The following NAALADL2 variants were observed in gnomAD, a reference collection of about 807,000 sequenced individuals.
NAALADL2 encodes the protein inactive N-acetylated-alpha-linked acidic dipeptidase-like protein 2.
Under a neutral mutation model 87.2 loss-of-function variants are expected in NAALADL2, and 76 were observed. The observed-to-expected ratio is 0.87, with a 90% confidence interval of 0.72 to 1.05. The LOEUF is 1.05. Among genes scored for constraint, NAALADL2 ranks in the 50% least tolerant of loss-of-function variants. NAALADL2 has a pLI of 0.00. For missense variants in NAALADL2, 1,089 were observed against 945.8 expected, an observed-to-expected ratio of 1.15 and a Z score of -1.99; for synonymous variants, 354 against 331.0, an observed-to-expected ratio of 1.07 and a Z score of -0.75.
intron 10 of NAALADL2, among the ~76,000 whole-genome samples, chr3:175,613,013 A>C (rs1011521266): frequency 6.6e-6 from 1 of 152,170 alleles, no homozygotes; most frequent in Non-Finnish European, 1.5e-5. Flanking sequence ...ATGTTAGCAG[A>C]GTTGGTAAAC....
At chr3:174,782,870 C>A (rs494601) in intron 3 of NAALADL2, among the ~76,000 whole-genome samples, 45,735 of 151,936 alleles carry the variant, frequency 0.3, 6,876 homozygotes, top group Middle Eastern at 0.34. Flanking sequence ...TACTGGGTCA[C>A]TCCAATGACA....
intron 11 of NAALADL2, among the ~76,000 whole-genome samples, chr3:175,681,126 C>CA (rs1254859680): frequency 6.6e-6 from 1 of 151,980 alleles, no homozygotes; most frequent in Non-Finnish European, 1.5e-5. Context: ...CAAAACAAAA[C>CA]AAACAAAAAA....
chr3:174,759,459 C>T (rs956297468), intron 3 of NAALADL2, among the ~76,000 whole-genome samples: 6 of 152,104 alleles, frequency 3.9e-5, no homozygotes, highest in East Asian at 1.9e-4. Flanking sequence ...GCAGATCTAA[C>T]GATGCTTGTG....
intron 11 of NAALADL2, among the ~76,000 whole-genome samples, chr3:175,663,578 T>C (rs1732567146): frequency 6.6e-6 from 1 of 151,930 alleles, no homozygotes; most frequent in Non-Finnish European, 1.5e-5. Context: ...CTTTATTGTT[T>C]ATTTATTTCT....
At chr3:174,581,317 A>G (rs531845487) in intron 2 of NAALADL2, among the ~76,000 whole-genome samples, 2 of 152,080 alleles carry the variant, frequency 1.3e-5, no homozygotes, top group Admixed American at 6.5e-5. Context: ...AAGTATATGC[A>G]AAACATGAAA....
intron 9 of NAALADL2, among the ~76,000 whole-genome samples, chr3:175,480,532 C>G (rs1423124959): frequency 6.6e-6 from 1 of 151,834 alleles, no homozygotes; most frequent in African/African-American, 2.4e-5. Flanking sequence ...GTATTCTATT[C>G]CACAGCACCC....
Position 175,672,091 on chromosome 3 carries a change from C to T in NAALADL2, c.1896+44705C>T, listed in dbSNP as rs189649974. On this transcript the variant is annotated intron_variant, in intron 11 of 13. Coordinates refer to ENST00000454872, the MANE Select transcript of NAALADL2 (RefSeq NM_207015.3). ...CTGTTATTTCAGGACTTAAACATAA[C>T]TTTAATTACTTAAGCCTGGTGGAGC... 2.6e-5 allele frequency among the ~76,000 whole-genome samples: 4 copies of T among 152,226 alleles called. No homozygotes were observed. In the East Asian group the frequency reaches 7.7e-4, roughly 29 times the overall value.
In NAALADL2 at chr3:175,627,401, C is replaced by A; in HGVS notation, c.1896+15C>A. 1 of 1,466,936 alleles carries A rather than the reference C, an allele frequency of 6.8e-7. No individual in the cohort carries two copies. Among genetic ancestry groups the A allele is most frequent in the Non-Finnish European group, 9.3e-7 (1 of 1,075,696 alleles). 90.9% of individuals were successfully genotyped at this position (1,466,936 alleles called of 1,614,324 possible). A position where few individuals can be genotyped will look rare whatever the true frequency, so the allele number is the denominator to read the frequency against. Reference sequence around the variant, plus strand: ...CCATTACTAAGGTAGGGGAGAAATGCATTCAAAAATAGGTGAGAAATATTT... The same window carrying A: ...CCATTACTAAGGTAGGGGAGAAATGAATTCAAAAATAGGTGAGAAATATTT... On this transcript the variant is annotated intron_variant, in intron 11 of 13. Coordinates refer to ENST00000454872, the MANE Select transcript of NAALADL2 (RefSeq NM_207015.3).
intron 5 of NAALADL2, among the ~76,000 whole-genome samples, chr3:175,426,692 T>A (rs1273282687): frequency 7.0e-6 from 1 of 142,212 alleles, no homozygotes; most frequent in East Asian, 2.1e-4. Context: ...AAGTTCAGTA[T>A]CCAAAAATTC....
At chr3:174,685,029 C>CT (rs898550911) in intron 2 of NAALADL2, among the ~76,000 whole-genome samples, 8 of 151,966 alleles carry the variant, frequency 5.3e-5, no homozygotes, top group Non-Finnish European at 8.8e-5. Flanking sequence ...TTTTAGGGAT[C>CT]TTTTTTTATC....
At chr3:175,562,071 C>A (rs1228045108) in intron 9 of NAALADL2, among the ~76,000 whole-genome samples, 1 of 152,148 alleles carries the variant, frequency 6.6e-6, no homozygotes, top group East Asian at 1.9e-4. Context: ...TGATCTGACT[C>A]TGTATTTCAC....
intron 1 of NAALADL2, among the ~76,000 whole-genome samples, chr3:174,887,420 A>G (rs528932529): frequency 3.0e-4 from 46 of 152,276 alleles, no homozygotes; most frequent in Admixed American, 3.3e-4. Context: ...GTAGGTCACC[A>G]TATACATTCT....
At chr3:175,252,574 C>T (rs987002047) in intron 3 of NAALADL2, among the ~76,000 whole-genome samples, 43 of 152,040 alleles carry the variant, frequency 2.8e-4, no homozygotes, top group Admixed American at 2.4e-3. Context: ...CTACAATGGC[C>T]TCTAAGTGAA....
At chr3:175,043,691 G>A (rs1435002259) in intron 1 of NAALADL2, among the ~76,000 whole-genome samples, 1 of 152,086 alleles carries the variant, frequency 6.6e-6, no homozygotes, top group Non-Finnish European at 1.5e-5. Context: ...GACCTTAAAA[G>A]CATGGGTTTA....
intron 1 of NAALADL2, among the ~76,000 whole-genome samples, chr3:175,067,026 C>A (rs1298669709): frequency 6.6e-6 from 1 of 152,096 alleles, no homozygotes; most frequent in Non-Finnish European, 1.5e-5. Context: ...CCTCAGTTTG[C>A]TAAAAGAAGG....
chr3:175,306,458 G>T (rs1018754533), intron 4 of NAALADL2, among the ~76,000 whole-genome samples: 1 of 152,112 alleles, frequency 6.6e-6, no homozygotes, highest in Admixed American at 6.5e-5. Flanking sequence ...TTCTGAAAAA[G>T]AATCCATACT....
intron 5 of NAALADL2, among the ~76,000 whole-genome samples, chr3:175,438,137 G>A (rs540338417): frequency 6.6e-6 from 1 of 152,156 alleles, no homozygotes; most frequent in South Asian, 2.1e-4. Flanking sequence ...AATTGTCACT[G>A]ATCCCCTTCC....
At chr3:175,432,857 T>A (rs1717994410) in intron 5 of NAALADL2, among the ~76,000 whole-genome samples, 1 of 152,098 alleles carries the variant, frequency 6.6e-6, no homozygotes, top group Non-Finnish European at 1.5e-5. Flanking sequence ...GGGAATGTGT[T>A]CTGATAGCTA....
At chr3:175,440,970 A>T (rs1280690304) in intron 5 of NAALADL2, among the ~76,000 whole-genome samples, 4 of 152,164 alleles carry the variant, frequency 2.6e-5, no homozygotes, top group Non-Finnish European at 1.5e-5. Flanking sequence ...CATGTTAATC[A>T]TTTTGAAGGA....
Sources: allele counts gnomAD v4.1 joint callset (sites outside exome capture counted in the v4.1 genomes callset), GRCh38; gene constraint gnomAD v4.1.1; transcripts MANE v1.5; gene names NCBI Gene and HGNC (gene_info 2026-07-23, HGNC 2026-07-21).